The following SDK2 variants were observed in gnomAD, a reference collection of about 807,000 sequenced individuals.
SDK2 encodes sidekick cell adhesion molecule 2.
SDK2 carries 105 observed loss-of-function variants against 253.9 expected under a neutral mutation model. That is an observed-to-expected ratio of 0.41 (90% confidence interval 0.35 to 0.49). SDK2 has a LOEUF of 0.49. Among genes scored for constraint, SDK2 ranks in the 20% least tolerant of loss-of-function variants. The probability of loss-of-function intolerance (pLI) is 0.06; values close to 1 mark genes in which losing one functional copy is unlikely to be tolerated. For missense variants in SDK2, 2,608 were observed against 3,003.0 expected, an observed-to-expected ratio of 0.87 and a Z score of 3.07; for synonymous variants, 1,249 against 1,234.9, an observed-to-expected ratio of 1.01 and a Z score of -0.24.
At chr17:73,608,255 A>T (rs1419045498) in intron 1 of SDK2, among the ~76,000 whole-genome samples, 1 of 151,698 alleles carries the variant, frequency 6.6e-6, no homozygotes, top group East Asian at 1.9e-4. Flanking sequence ...TTTTTCTCTG[A>T]TGTGTTTCTC....
intron 1 of SDK2, among the ~76,000 whole-genome samples, chr17:73,622,291 G>A (rs1250205351): frequency 2.0e-5 from 3 of 152,200 alleles, no homozygotes; most frequent in South Asian, 2.1e-4. Flanking sequence ...TCAGCAACAC[G>A]TTGGAAAGGG....
At chr17:73,574,463 G>A (rs1034228096) in intron 1 of SDK2, among the ~76,000 whole-genome samples, 19 of 149,022 alleles carry the variant, frequency 1.3e-4, no homozygotes, top group Admixed American at 8.7e-4. Context: ...ACACATACAC[G>A]CCTCGCTGAT....
intron 2 of SDK2, among the ~76,000 whole-genome samples, chr17:73,477,147 CAGCGCACTGTA>C (rs2063691838): frequency 6.6e-6 from 1 of 152,200 alleles, no homozygotes; most frequent in South Asian, 2.1e-4. Flanking sequence ...TTTGTGAGTC[CAGCGCACTGTA>C]AGCACCTCCG....
At position 73,467,599 on chromosome 17, in the gene SDK2, C is replaced by T. The variant is rs1209201081; in HGVS notation, c.331+4513G>A. 2.6e-5 allele frequency among the ~76,000 whole-genome samples: 4 copies of T among 152,120 alleles called. No individual in the cohort carries two copies. The highest frequency in any genetic ancestry group is 5.9e-5 in the Non-Finnish European group (4 of 68,016). ...CAGCTTCTACAGCTAGAGAGGGAGG[C>T]CCCCTGGGATGAGGCCAGTGTGTCC... On this transcript the variant is annotated intron_variant, in intron 3 of 44. Coordinates refer to ENST00000392650, the MANE Select transcript of SDK2 (RefSeq NM_001144952.2). The surrounding 1 kb of genome is among the most constrained non-coding windows in gnomAD (Gnocchi z 4.1).
intron 12 of SDK2, among the ~76,000 whole-genome samples, chr17:73,428,232 TTTTTTGTA>T (rs2063298777): frequency 6.6e-6 from 1 of 152,078 alleles, no homozygotes; most frequent in Non-Finnish European, 1.5e-5. Flanking sequence ...TGAGCTAATT[TTTTTTGTA>T]TTTTTAGTAG....
rs749515894 is a variant in SDK2 at position 73,338,819 on chromosome 17, C to T, written c.6287G>A (p.Arg2096Lys). ...SWRRQQKGIS[R>K]AQAYSYTESD... ...CTCCGTGTAGCTGTAGGCCTGTGCC[C>T]TCGAGATGCCCTTCTGCTGTCGCCG... is the stretch of plus-strand genomic sequence containing the variant. Residue 2096 changes from arginine (R) to lysine (K), a missense_variant, in exon 45 of 45, where the codon AGG becomes AAG. Arg to Lys is a conservative substitution (Grantham distance 26). This residue lies in a region of SDK2 where 1,103 missense variants were observed against 1,143.9 expected (regional missense o/e 0.96). Transcript: ENST00000392650. This position sits in a 1 kb window ranked among gnomAD's most constrained non-coding sequence, Gnocchi z 5.0. The T allele has an allele frequency of 6.2e-7, 1 of 1,613,854 alleles. No homozygotes were observed. The highest frequency in any genetic ancestry group is 1.7e-5 in the Admixed American group (1 of 59,982).
intron 3 of SDK2, among the ~76,000 whole-genome samples, chr17:73,469,638 C>T (rs1415474172): frequency 6.6e-6 from 1 of 152,170 alleles, no homozygotes; most frequent in Non-Finnish European, 1.5e-5. Flanking sequence ...GGGAAGGGAC[C>T]ACACACGTGT....
chr17:73,345,827 A>G (rs2062478108), intron 44 of SDK2, among the ~76,000 whole-genome samples: 1 of 152,192 alleles, frequency 6.6e-6, no homozygotes, highest in Non-Finnish European at 1.5e-5. Flanking sequence ...TCATTCACGA[A>G]CAATCCTTAG....
intron 1 of SDK2, among the ~76,000 whole-genome samples, chr17:73,522,984 C>T (rs1278462072): frequency 1.3e-5 from 2 of 152,180 alleles, no homozygotes; most frequent in Non-Finnish European, 2.9e-5. Context: ...CCGGCTGTGG[C>T]TGCCACAGCT....
In SDK2 at chr17:73,644,187, ACAGT is replaced by A. The variant is rs996298619; in HGVS notation, c.-103_-100del. On this transcript the variant is annotated 5_prime_UTR_variant, in exon 1 of 45. Coordinates refer to ENST00000392650, the MANE Select transcript of SDK2 (RefSeq NM_001144952.2). This position sits in a 1 kb window ranked among gnomAD's most constrained non-coding sequence, Gnocchi z 6.3. ...ATACCCCGTGGCTTAGTCCCAGGAAACAGTCAGTCTACGCGGCTCCGTGCCCCGG... is the reference window on the plus strand; with the variant it reads ...ATACCCCGTGGCTTAGTCCCAGGAAACAGTCTACGCGGCTCCGTGCCCCGG... 1.9e-5 allele frequency: 19 copies of A among 1,012,174 alleles called. No homozygotes were observed. Among genetic ancestry groups the A allele is most frequent in the East Asian group, 1.1e-4 (4 of 37,896 alleles). The allele number at this position is 1,012,174 out of a possible 1,614,324, so 62.7% of individuals were successfully genotyped here.
intron 1 of SDK2, among the ~76,000 whole-genome samples, chr17:73,598,908 C>A (rs974839069): frequency 6.6e-6 from 1 of 152,230 alleles, no homozygotes; most frequent in Non-Finnish European, 1.5e-5. Flanking sequence ...GGATCAGGCA[C>A]CAAGCGCCGG....
intron 1 of SDK2, among the ~76,000 whole-genome samples, chr17:73,566,787 GC>G (rs1167904366): frequency 6.6e-6 from 1 of 151,136 alleles, no homozygotes; most frequent in African/African-American, 2.4e-5. Flanking sequence ...AAACGACAAA[GC>G]ACTCAAAATG....
At chr17:73,611,927 G>C (rs1354206704) in intron 1 of SDK2, among the ~76,000 whole-genome samples, 1 of 152,072 alleles carries the variant, frequency 6.6e-6, no homozygotes. Context: ...CTCTGCGTGG[G>C]GAAGGGGAGA....
At chr17:73,572,217 C>A (rs971230829) in intron 1 of SDK2, among the ~76,000 whole-genome samples, 3 of 152,140 alleles carry the variant, frequency 2.0e-5, no homozygotes, top group African/African-American at 7.2e-5. Flanking sequence ...GGGTGGTTGT[C>A]CTCATCTAAG....
intron 2 of SDK2, among the ~76,000 whole-genome samples, chr17:73,482,115 C>T (rs1260368396): frequency 2.6e-5 from 4 of 151,944 alleles, no homozygotes; most frequent in African/African-American, 9.7e-5. Flanking sequence ...CCTCTACTAC[C>T]AATACAAAAA....
chr17:73,382,019 A>G (rs1283955063), intron 33 of SDK2, among the ~76,000 whole-genome samples: 1 of 152,230 alleles, frequency 6.6e-6, no homozygotes, highest in African/African-American at 2.4e-5. Context: ...GTTCGAGACC[A>G]GCCTGGCTAA....
At chr17:73,459,353 C>T (rs1028489503) in intron 3 of SDK2, among the ~76,000 whole-genome samples, 5 of 152,200 alleles carry the variant, frequency 3.3e-5, no homozygotes, top group African/African-American at 1.2e-4. Flanking sequence ...ATTCCCTGGC[C>T]TGGACTCAAG....
Position 73,383,852 on chromosome 17 carries a change from C to T in SDK2, c.4705+24G>A, listed in dbSNP as rs768997441. ...GTGACCGCCCCCATCCCACCCATTC[C>T]TCTGGCTCCCAAGTGTCACTCACAG... On this transcript the variant is annotated intron_variant, in intron 33 of 44. Coordinates refer to ENST00000392650, the MANE Select transcript of SDK2 (RefSeq NM_001144952.2). This position sits in a 1 kb window ranked among gnomAD's most constrained non-coding sequence, Gnocchi z 4.3. 1.2e-6 allele frequency: 2 copies of T among 1,613,326 alleles called. No homozygotes were observed. Among genetic ancestry groups the T allele is most frequent in the Non-Finnish European group, 1.7e-6 (2 of 1,179,432 alleles).
intron 4 of SDK2, among the ~76,000 whole-genome samples, chr17:73,450,845 C>G (rs959386133): frequency 1.3e-5 from 2 of 152,190 alleles, no homozygotes; most frequent in African/African-American, 4.8e-5. Flanking sequence ...CAGGAAGGCC[C>G]TCACAGGGAA....
Sources: allele counts gnomAD v4.1 joint callset (sites outside exome capture counted in the v4.1 genomes callset), GRCh38; gene constraint gnomAD v4.1.1; regional missense constraint gnomAD v4.1.1; non-coding constraint Gnocchi (gnomAD v3.1); transcripts MANE v1.5; gene names NCBI Gene and HGNC (gene_info 2026-07-23, HGNC 2026-07-21).